Variants in DLC1 observed in about 807,000 individuals in gnomAD.
DLC1 encodes the protein rho GTPase-activating protein 7.
In DLC1, 54 loss-of-function variants were observed where a neutral mutation model predicts 140.3. The observed-to-expected ratio is 0.38, with a 90% CI of 0.31 to 0.48. The LOEUF (loss-of-function observed/expected upper bound fraction) is 0.48, where lower values mean the gene tolerates loss of function less well. Among genes scored for constraint, DLC1 ranks in the 20% least tolerant of loss-of-function variants. The pLI is 0.96. For synonymous variants in DLC1, 986 were observed against 728.1 expected (o/e 1.35, Z -5.70); for missense variants, 2,536 against 1,907.0 (o/e 1.33, Z -6.14).
chr8:13,311,444 G>C (rs1238020558), intron 4 of DLC1, among the ~76,000 whole-genome samples: 1 of 152,192 alleles, frequency 6.6e-6, no homozygotes, highest in Admixed American at 6.5e-5. Context: ...TGATGTGCTG[G>C]TGTAAGGATT....
chr8:13,147,641 G>A (rs1488682261), intron 5 of DLC1, among the ~76,000 whole-genome samples: 2 of 152,104 alleles, frequency 1.3e-5, no homozygotes, highest in Non-Finnish European at 2.9e-5. Context: ...GAGAGTGTGG[G>A]ATCTCAAGGT....
At chr8:13,444,212 A>G (rs1256549531) in intron 2 of DLC1, among the ~76,000 whole-genome samples, 2 of 152,086 alleles carry the variant, frequency 1.3e-5, no homozygotes, top group Non-Finnish European at 2.9e-5. Flanking sequence ...AGACAACCAA[A>G]TACCTCATGT....
chr8:13,128,506 G>A (rs1405426308), intron 5 of DLC1, among the ~76,000 whole-genome samples: 1 of 152,208 alleles, frequency 6.6e-6, no homozygotes, highest in African/African-American at 2.4e-5. Flanking sequence ...CCACAATAGA[G>A]AAGTCTCGTT....
At chr8:13,504,158 C>T (rs1381786033) in intron 1 of DLC1, among the ~76,000 whole-genome samples, 1 of 135,618 alleles carries the variant, frequency 7.4e-6, no homozygotes, top group Non-Finnish European at 1.5e-5. Context: ...CAGAGTTTCA[C>T]TCTTGTTGCC....
chr8:13,173,029 T>C (rs549447443), intron 5 of DLC1, among the ~76,000 whole-genome samples: 1 of 152,256 alleles, frequency 6.6e-6, no homozygotes, highest in East Asian at 1.9e-4. Context: ...CATTTTGTCC[T>C]GGCACAGTTA....
chr8:13,240,622 G>C (rs1004734856), intron 5 of DLC1, among the ~76,000 whole-genome samples: 1 of 151,864 alleles, frequency 6.6e-6, no homozygotes, highest in Non-Finnish European at 1.5e-5. Flanking sequence ...TTGTAGAGAT[G>C]AGGCTTCCCT....
chr8:13,444,380 A>G (rs1798683353), intron 2 of DLC1, among the ~76,000 whole-genome samples: 2 of 152,170 alleles, frequency 1.3e-5, no homozygotes, highest in African/African-American at 4.8e-5. Context: ...GCAAACCAAC[A>G]TGACACATGT....
Position 13,499,525 on chromosome 8 carries a change from C to T in DLC1, c.547G>A (p.Val183Ile). 1 of 1,614,122 alleles carries T rather than the reference C, an allele frequency of 6.2e-7. No individual in the cohort carries two copies. Residue 183 changes from valine (V) to isoleucine (I), a missense_variant, in exon 2 of 18, where the codon GTT becomes ATT. By Grantham distance (29) the Val-to-Ile change is conservative (BLOSUM62 3). Coordinates refer to ENST00000276297, the MANE Select transcript of DLC1 (RefSeq NM_182643.3). ...AGGCTTTTACTTATAGAGTCAGTAA[C>T]TTTTCTCTCCCCACTTTCTTTTACC... ...ALVKESGERK[V>I]TDSISKSLEL...
intron 5 of DLC1, among the ~76,000 whole-genome samples, chr8:13,122,504 AT>A (rs1308262785): frequency 1.2e-4 from 18 of 152,050 alleles, no homozygotes; most frequent in Admixed American, 2.6e-4. Context: ...AAAAAAAAAA[AT>A]CTATTACTAT....
chr8:13,085,949 G>A lies in DLC1; in HGVS notation c.4467-18C>T, dbSNP rs151279199. 1 of 1,610,368 alleles carries A rather than the reference G, an allele frequency of 6.2e-7. No homozygotes were observed. Among genetic ancestry groups the A allele is most frequent in the African/African-American group, 1.3e-5 (1 of 74,724 alleles). On this transcript the variant is annotated intron_variant, in intron 17 of 17. Coordinates refer to ENST00000276297, the MANE Select transcript of DLC1 (RefSeq NM_182643.3). Reference sequence around the variant, plus strand: ...TGTGGCCCCTATCAGAGAAAAGAAAGAAAAGCTGATGAATTATTTAAGTTA... The same window carrying A: ...TGTGGCCCCTATCAGAGAAAAGAAAAAAAAGCTGATGAATTATTTAAGTTA...
Position 13,499,132 on chromosome 8 carries a change from C to T in DLC1, c.940G>A (p.Asp314Asn). 1 of 1,614,166 alleles carries T rather than the reference C, an allele frequency of 6.2e-7. No homozygotes were observed. Among genetic ancestry groups the T allele is most frequent in the South Asian group, 1.1e-5 (1 of 91,090 alleles). The change falls in exon 2 of 18, where the codon GAT becomes AAT. Residue 314 changes from aspartate to asparagine, a missense_variant. Asp to Asn is a conservative substitution (Grantham distance 23, BLOSUM62 1). Transcript: ENST00000276297. ...TTTAATTGTAAACACTGCATGCCAT[C>T]TTCTGCCTTGACCTTTGGTGGACTT... is the stretch of plus-strand genomic sequence containing the variant. ...NKSPPKVKAEDGMQCLQLKET... is the reference protein window; with the variant it reads ...NKSPPKVKAENGMQCLQLKET...
chr8:13,141,256 C>CAAAAAAAAAAAAAAAAAAAAAAA (rs34321250), intron 5 of DLC1, among the ~76,000 whole-genome samples: 5 of 63,766 alleles, frequency 7.8e-5, no homozygotes, highest in Admixed American at 2.3e-4. Flanking sequence ...GAGTCTGTCT[C>CAAAAAAAAAAAAAAAAAAAAAAA]AAAAAAAAAA....
rs562532239 is a variant in DLC1, at chr8:13,390,264, A to G, written c.1314+3289T>C. On this transcript the variant is annotated intron_variant, in intron 4 of 17. Coordinates refer to ENST00000276297, the MANE Select transcript of DLC1 (RefSeq NM_182643.3). ...ATGATTCCCCTCAAAACAAAAGTGT[A>G]GCTTCATGCATGCCCCTGCAAAGGA... Among the ~76,000 whole-genome samples the G allele has an allele frequency of 1.3e-3, 191 of 152,306 alleles. 2 individuals carry two copies. The highest frequency in any genetic ancestry group is 2.5e-4 in the Non-Finnish European group (17 of 68,020).
At chr8:13,506,334 G>C (rs72603987) in intron 1 of DLC1, among the ~76,000 whole-genome samples, 5,119 of 151,476 alleles carry the variant, frequency 0.034, 301 homozygotes, top group East Asian at 0.22. Flanking sequence ...ATTGACTCTA[G>C]GATATTCTAT....
At chr8:13,205,300 C>A (rs1286487588) in intron 5 of DLC1, among the ~76,000 whole-genome samples, 1 of 151,852 alleles carries the variant, frequency 6.6e-6, no homozygotes, top group Non-Finnish European at 1.5e-5. Context: ...ATATGACTAA[C>A]TTCTATTTAT....
intron 5 of DLC1, among the ~76,000 whole-genome samples, chr8:13,297,287 A>AAAAAAAAAACAAAAAAAAAACAAAAC (rs1831997271): frequency 7.2e-6 from 1 of 139,822 alleles, no homozygotes; most frequent in African/African-American, 2.7e-5. Flanking sequence ...TACATTAAAA[A>AAAAAAAAAACAAAAAAAAAACAAAAC]AAAAAAAAAC....
chr8:13,110,086 G>A (rs1257133626), intron 7 of DLC1, among the ~76,000 whole-genome samples: 1 of 152,148 alleles, frequency 6.6e-6, no homozygotes, highest in Non-Finnish European at 1.5e-5. Flanking sequence ...GAGTAGACAT[G>A]TCTTGAAGAG....
intron 5 of DLC1, among the ~76,000 whole-genome samples, chr8:13,231,200 T>G (rs1829031060): frequency 6.6e-6 from 1 of 152,092 alleles, no homozygotes; most frequent in Admixed American, 6.5e-5. Context: ...CAATGCCTTT[T>G]AAATCCTGAC....
In DLC1 at chr8:13,092,661, G is replaced by T; in HGVS notation, c.3691C>A (p.Pro1231Thr). 1 of 1,614,194 alleles carries T rather than the reference G, an allele frequency of 6.2e-7. No homozygotes were observed. Among genetic ancestry groups the T allele is most frequent in the Non-Finnish European group, 8.5e-7 (1 of 1,180,034 alleles). Residue 1231 changes from proline (P) to threonine (T), a missense_variant, in exon 13 of 18, where the codon CCT becomes ACT. Pro to Thr is a conservative substitution (Grantham distance 38). Transcript: ENST00000276297. ...AGGGTGTTGAGATGGAAGAGGGAAG[G>T]CGCTAAGCACACGGCCAGGTTGGTT... The part of the protein sequence containing the change: ...TPTNLAVCLA[P>T]SLFHLNTLKR...
Sources: allele counts gnomAD v4.1 joint callset (sites outside exome capture counted in the v4.1 genomes callset), GRCh38; gene constraint gnomAD v4.1.1; transcripts MANE v1.5; gene names NCBI Gene and HGNC (gene_info 2026-07-23, HGNC 2026-07-21).